KDM4C: variants seen among roughly 807,000 people sequenced by gnomAD.
The protein encoded by KDM4C is lysine demethylase 4C.
KDM4C carries 81 observed loss-of-function variants against 129.3 expected under a neutral mutation model. That is an observed-to-expected ratio of 0.63 (90% CI 0.52 to 0.75). KDM4C has a LOEUF of 0.75. Among genes scored for constraint, KDM4C ranks in the 30% least tolerant of loss-of-function variants. The pLI is 0.00. For missense variants in KDM4C, 1,457 were observed against 1,304.0 expected, an observed-to-expected ratio of 1.12 and a Z score of -1.81; for synonymous variants, 573 against 456.1, an observed-to-expected ratio of 1.26 and a Z score of -3.26.
chr9:6,986,332 T>C lies in KDM4C; in HGVS notation c.1355-12T>C. 1 of 1,587,862 alleles carries C rather than the reference T, an allele frequency of 6.3e-7. No individual in the cohort carries two copies. Among genetic ancestry groups the C allele is most frequent in the South Asian group, 1.1e-5 (1 of 88,926 alleles). On this transcript the variant is annotated splice_polypyrimidine_tract_variant and intron_variant, in intron 10 of 21. Transcript: ENST00000381309. ...TGCATGATTTATTAACAGTCTTCTG[T>C]TTTATCCTCAGGAAACAGCTGCTTA...
At chr9:6,732,026 T>A (rs972188582) in intron 1 of KDM4C, among the ~76,000 whole-genome samples, 4 of 152,048 alleles carry the variant, frequency 2.6e-5, no homozygotes, top group African/African-American at 9.7e-5. Context: ...GTATGTTCCT[T>A]ACCCAGGGTC....
chr9:6,969,934 T>A (rs947451173), intron 8 of KDM4C, among the ~76,000 whole-genome samples: 8 of 152,266 alleles, frequency 5.3e-5, no homozygotes, highest in Admixed American at 1.3e-4. Flanking sequence ...GTGGCAGAGA[T>A]GACTGTTAGC....
chr9:6,771,428 C>T (rs1243719204), intron 1 of KDM4C, among the ~76,000 whole-genome samples: 1 of 151,982 alleles, frequency 6.6e-6, no homozygotes, highest in East Asian at 1.9e-4. Context: ...TCTCCTGCCT[C>T]AGCCTCCCGA....
intron 17 of KDM4C, among the ~76,000 whole-genome samples, chr9:7,055,476 C>T (rs1172672868): frequency 1.3e-5 from 2 of 152,216 alleles, no homozygotes; most frequent in Admixed American, 1.3e-4. Flanking sequence ...ACAATGATGA[C>T]TGAGCTACAA....
intron 15 of KDM4C, among the ~76,000 whole-genome samples, chr9:7,025,129 C>T (rs117583811): frequency 4.6e-5 from 7 of 152,128 alleles, no homozygotes; most frequent in Admixed American, 4.6e-4. Context: ...TTTTTCTCTT[C>T]TTACAGTTTT....
At chr9:6,791,880 G>T (rs1826706182) in intron 1 of KDM4C, among the ~76,000 whole-genome samples, 2 of 151,952 alleles carry the variant, frequency 1.3e-5, no homozygotes, top group Admixed American at 6.6e-5. Context: ...AAATTACCTG[G>T]GTGTGGTAGA....
chr9:6,870,562 G>C (rs987455925), intron 5 of KDM4C, among the ~76,000 whole-genome samples: 10 of 151,906 alleles, frequency 6.6e-5, no homozygotes, highest in African/African-American at 2.4e-4. Flanking sequence ...AATAAATGAT[G>C]GCTGTGATGA....
At chr9:6,764,703 T>C (rs558459044) in intron 1 of KDM4C, among the ~76,000 whole-genome samples, 1 of 152,222 alleles carries the variant, frequency 6.6e-6, no homozygotes, top group Non-Finnish European at 1.5e-5. Flanking sequence ...TATTCTGGAT[T>C]CTTCTGGGTT....
intron 5 of KDM4C, among the ~76,000 whole-genome samples, chr9:6,871,720 C>T (rs7033947): frequency 0.52 from 78,679 of 151,990 alleles, 20,658 homozygotes; most frequent in Middle Eastern, 0.63. Context: ...AGCTACATAA[C>T]TGAGCAATTG....
rs180690707 is a variant in KDM4C, at chr9:6,740,405, G to A, written c.49+19408G>A. 2.4e-4 allele frequency among the ~76,000 whole-genome samples: 36 copies of A among 151,642 alleles called. No individual in the cohort carries two copies. In the East Asian group the frequency reaches 2.5e-3, roughly 11 times the overall value. ...TTTTTAGTAGAGATGGGGTTTCACC[G>A]TGTTAGCCAGGATGGTCTTGATCTC... On this transcript the variant is annotated intron_variant, in intron 1 of 17. Transcript: ENST00000536108.
At chr9:7,065,859 A>G (rs1227613047) in intron 17 of KDM4C, among the ~76,000 whole-genome samples, 10 of 152,212 alleles carry the variant, frequency 6.6e-5, no homozygotes, top group African/African-American at 2.2e-4. Flanking sequence ...TGTGAAATGT[A>G]ATAAGTCAGT....
chr9:6,982,759 T>C (rs1358015170), intron 9 of KDM4C: 2 of 152,214 alleles, frequency 1.3e-5, no homozygotes, highest in Non-Finnish European at 2.9e-5. Flanking sequence ...TATGACTTGG[T>C]TTCCAGGTAT....
At chr9:7,058,564 TA>T (rs1377571098) in intron 17 of KDM4C, among the ~76,000 whole-genome samples, 1 of 152,182 alleles carries the variant, frequency 6.6e-6, no homozygotes, top group Non-Finnish European at 1.5e-5. Context: ...GGCTGGCACT[TA>T]CCATACATCA....
At chr9:7,142,772 C>T (rs956930626) in intron 19 of KDM4C, among the ~76,000 whole-genome samples, 5 of 152,140 alleles carry the variant, frequency 3.3e-5, no homozygotes, top group African/African-American at 4.8e-5. Flanking sequence ...AAAGTGCATT[C>T]CTGCACCTCC....
chr9:6,807,049 C>T (rs930208849), intron 3 of KDM4C, among the ~76,000 whole-genome samples: 1 of 152,162 alleles, frequency 6.6e-6, no homozygotes, highest in African/African-American at 2.4e-5. Context: ...CAGGCACGCG[C>T]CGCCACGCCT....
intron 19 of KDM4C, among the ~76,000 whole-genome samples, chr9:7,142,339 G>A (rs1256933398): frequency 6.6e-6 from 1 of 152,048 alleles, no homozygotes; most frequent in Non-Finnish European, 1.5e-5. Context: ...AGCTGTTCTG[G>A]AACTCCTAAA....
intron 8 of KDM4C, among the ~76,000 whole-genome samples, chr9:6,969,534 C>G (rs866274576): frequency 6.6e-6 from 1 of 152,134 alleles, no homozygotes; most frequent in African/African-American, 2.4e-5. Context: ...ATATACTGTT[C>G]CATTACTGAT....
At chr9:6,805,506 AAATTCTTC>A in intron 2 of KDM4C, 85 bp from the exon 3 acceptor site, 1 of 779,268 alleles carries the variant, frequency 1.3e-6, no homozygotes, top group African/African-American at 1.8e-5. Context: ...AGATACTGAG[AAATTCTTC>A]AGTTGTAGTT....
chr9:6,810,499 G>T (rs754870161), intron 3 of KDM4C, among the ~76,000 whole-genome samples: 20 of 151,912 alleles, frequency 1.3e-4, no homozygotes, highest in African/African-American at 2.2e-4. Flanking sequence ...AAAATTTTTG[G>T]TTTTTTTTAA....
Sources: allele counts gnomAD v4.1 joint callset (sites outside exome capture counted in the v4.1 genomes callset), GRCh38; gene constraint gnomAD v4.1.1; transcripts MANE v1.5; gene names NCBI Gene and HGNC (gene_info 2026-07-23, HGNC 2026-07-21).